The following PUM1 variants were observed in gnomAD, a reference collection of about 807,000 sequenced individuals.
PUM1 encodes the protein pumilio RNA binding family member 1.
PUM1 carries 13 observed loss-of-function variants against 131.8 expected under a neutral mutation model. The ratio of observed to expected loss-of-function variants is 0.10; its 90% confidence interval spans 0.06 to 0.16. The LOEUF (loss-of-function observed/expected upper bound fraction) is 0.16, where lower values mean the gene tolerates loss of function less well. Ranked by LOEUF, PUM1 falls within the 10% of genes least tolerant of loss-of-function variation. PUM1 has a pLI of 1.00. For missense variants in PUM1, 961 were observed against 1,512.4 expected (o/e 0.64, Z 6.05); for synonymous variants, 509 against 556.5 (o/e 0.91, Z 1.20).
At chr1:31,019,246 G>A (rs1414923507) in intron 3 of PUM1, among the ~76,000 whole-genome samples, 1 of 152,188 alleles carries the variant, frequency 6.6e-6, no homozygotes, top group African/African-American at 2.4e-5. Flanking sequence ...CAGTTACTTG[G>A]GAGGCTGAGG....
At position 31,028,938 on chromosome 1, in the gene PUM1, G is replaced by C. The variant is rs922357812; in HGVS notation, c.364-74C>G. On this transcript the variant is annotated intron_variant, in intron 2 of 21. Transcript: ENST00000426105. The stretch of plus-strand genomic sequence containing the variant: ...TTTTACATACACATTACACACAATT[G>C]AAAATTTATTCTATGTTTACTTTCA... The C allele has an allele frequency of 4.4e-5, 52 of 1,170,074 alleles. No individual in the cohort carries two copies. The African/African-American group carries it at 5.3e-4, about 12-fold the overall frequency. The allele number at this position is 1,170,074 out of a possible 1,614,324, so 72.5% of individuals were successfully genotyped here.
chr1:31,058,742 G>A (rs1040162352), intron 2 of PUM1, among the ~76,000 whole-genome samples: 4 of 151,930 alleles, frequency 2.6e-5, no homozygotes, highest in South Asian at 2.1e-4. Context: ...AGGCCGAAGC[G>A]GGCAGATCAC....
intron 7 of PUM1, among the ~76,000 whole-genome samples, chr1:30,986,050 G>A (rs1004887115): frequency 6.6e-6 from 1 of 152,144 alleles, no homozygotes; most frequent in Admixed American, 6.5e-5. Flanking sequence ...CGCCTCCTGG[G>A]TTCAAGCGAT....
In PUM1 at chr1:30,964,784, G is replaced by A; in HGVS notation, c.2213C>T (p.Ser738Phe). 6.2e-7 allele frequency: 1 copy of A among 1,614,064 alleles called. No individual in the cohort carries two copies. Among genetic ancestry groups the A allele is most frequent in the Non-Finnish European group, 8.5e-7 (1 of 1,180,004 alleles). The part of the protein sequence containing the change: ...GHSFYNGLSF[S>F]SSPGPVGMPL... ...CATGCCCACGGGTCCAGGAGAGGAG[G>A]AAAAGCTAAGGCCGTTATAAAAACT... The change falls in exon 14 of 22, where the codon TCC becomes TTC. Residue 738 changes from serine (S) to phenylalanine (F), a missense_variant. Transcript: ENST00000426105.
intron 10 of PUM1, among the ~76,000 whole-genome samples, chr1:30,970,343 G>A (rs1419274389): frequency 6.6e-6 from 1 of 152,170 alleles, no homozygotes; most frequent in Non-Finnish European, 1.5e-5. Context: ...CTGGCAAGAA[G>A]GGATGTGTGG....
chr1:31,065,652 C>G lies in PUM1; in HGVS notation c.-48G>C, dbSNP rs569449446. 6.5e-6 allele frequency: 10 copies of G among 1,549,560 alleles called. No homozygotes were observed. Among genetic ancestry groups the G allele is most frequent in the Non-Finnish European group, 7.8e-6 (9 of 1,146,858 alleles). On this transcript the variant is annotated 5_prime_UTR_variant, in exon 1 of 22. Transcript: ENST00000426105. The stretch of plus-strand genomic sequence containing the variant: ...TAGGATGAAGATGGATTTCAGCCCC[C>G]CGATCTTCTCTCTCTGGCGCTCTCG...
At chr1:30,945,546 TC>T in intron 17 of PUM1, 63 bp from the exon 18 acceptor site, 1 of 1,565,832 alleles carries the variant, frequency 6.4e-7, no homozygotes, top group Non-Finnish European at 8.7e-7. Context: ...CAAATAATAT[TC>T]TTTTCACCAA....
intron 7 of PUM1, among the ~76,000 whole-genome samples, chr1:30,989,847 G>A (rs1318440302): frequency 6.6e-6 from 1 of 152,162 alleles, no homozygotes; most frequent in Non-Finnish European, 1.5e-5. Flanking sequence ...TGAACAGAAG[G>A]CTGTATCTGT....
intron 2 of PUM1, among the ~76,000 whole-genome samples, chr1:31,046,019 T>C (rs1007194056): frequency 2.6e-5 from 4 of 151,634 alleles, no homozygotes; most frequent in Non-Finnish European, 4.4e-5. Flanking sequence ...GAGGTGGAGA[T>C]TGCAGTGAGC....
chr1:31,022,975 C>G (rs1229588929), intron 3 of PUM1, among the ~76,000 whole-genome samples: 2 of 151,914 alleles, frequency 1.3e-5, no homozygotes, highest in African/African-American at 4.8e-5. Flanking sequence ...TTGAGACCAG[C>G]CTGGCCAACA....
chr1:31,059,470 T>C lies in PUM1; in HGVS notation c.97A>G (p.Asn33Asp). Residue 33 changes from asparagine (N) to aspartate (D), a missense_variant, in exon 2 of 22, where the codon AAC becomes GAC. This residue lies in a region of PUM1 where 654 missense variants were observed against 923.9 expected (regional missense o/e 0.71). Coordinates refer to ENST00000426105, the MANE Select transcript of PUM1 (RefSeq NM_001020658.2). ...KHHPQEPANP[N>D]MPVVLTSGTG... The stretch of plus-strand genomic sequence containing the variant: ...CCAGATGTCAAAACAACAGGCATGT[T>C]GGGATTAGCTGGTTCTTGAGGGTGA... 1 of 1,614,174 alleles carries C rather than the reference T, an allele frequency of 6.2e-7. No homozygotes were observed. Among genetic ancestry groups the C allele is most frequent in the Non-Finnish European group, 8.5e-7 (1 of 1,180,022 alleles).
At chr1:31,018,117 G>A (rs1015494451) in intron 3 of PUM1, among the ~76,000 whole-genome samples, 15 of 152,168 alleles carry the variant, frequency 9.9e-5, no homozygotes, top group African/African-American at 2.9e-4. Context: ...TTGGGAGGCC[G>A]AGGTGGTGGA....
intron 2 of PUM1, among the ~76,000 whole-genome samples, chr1:31,036,228 C>A (rs1643607582): frequency 6.6e-6 from 1 of 152,080 alleles, no homozygotes; most frequent in Non-Finnish European, 1.5e-5. Context: ...TGCCACTGCA[C>A]CTGGCTAATT....
chr1:30,965,622 A>G (rs1209500516), intron 13 of PUM1, among the ~76,000 whole-genome samples: 1 of 152,246 alleles, frequency 6.6e-6, no homozygotes, highest in Admixed American at 6.5e-5. Flanking sequence ...AACTCGGCTC[A>G]GTCTCAATTG....
chr1:30,958,292 A>G (rs1431239121), intron 14 of PUM1, among the ~76,000 whole-genome samples: 1 of 152,264 alleles, frequency 6.6e-6, no homozygotes, highest in Non-Finnish European at 1.5e-5. Context: ...AACTAAGTTT[A>G]GAACTAAATT....
chr1:30,995,015 A>G (rs762747367), intron 6 of PUM1, 39 bp downstream of exon 6: 2 of 1,582,004 alleles, frequency 1.3e-6, no homozygotes, highest in Non-Finnish European at 1.7e-6. Context: ...AAAATCCCAT[A>G]GCCCATATTC....
At chr1:30,952,067 T>TA (rs1269012492) in intron 16 of PUM1, among the ~76,000 whole-genome samples, 167 bp downstream of exon 16, 1 of 152,180 alleles carries the variant, frequency 6.6e-6, no homozygotes, top group Non-Finnish European at 1.5e-5. Context: ...ACAGAATAGA[T>TA]AGACTGCTGC....
At chr1:31,026,746 T>C (rs1643236303) in intron 3 of PUM1, among the ~76,000 whole-genome samples, 1 of 152,242 alleles carries the variant, frequency 6.6e-6, no homozygotes, top group Admixed American at 6.5e-5. Context: ...ATAATAGAAC[T>C]GTCCTCATAG....
At chr1:30,945,756 A>G (rs1217001178) in intron 17 of PUM1, among the ~76,000 whole-genome samples, 2 of 152,194 alleles carry the variant, frequency 1.3e-5, no homozygotes, top group African/African-American at 4.8e-5. Context: ...ACAAAAAACA[A>G]AGAAAAGCCT....
Sources: allele counts gnomAD v4.1 joint callset (sites outside exome capture counted in the v4.1 genomes callset), GRCh38; gene constraint gnomAD v4.1.1; regional missense constraint gnomAD v4.1.1; transcripts MANE v1.5; gene names NCBI Gene and HGNC (gene_info 2026-07-23, HGNC 2026-07-21).